The following PI4K2B variants were observed in gnomAD, a reference collection of about 807,000 sequenced individuals.
PI4K2B encodes the protein phosphatidylinositol 4-kinase type 2 beta, also known as phosphatidylinositol 4-kinase type 2-beta.
Under a neutral mutation model 56.6 loss-of-function variants are expected in PI4K2B, and 46 were observed. That is an observed-to-expected ratio of 0.81 (90% confidence interval 0.64 to 1.04). The LOEUF is 1.04. Among genes scored for constraint, PI4K2B ranks in the 50% least tolerant of loss-of-function variants. The pLI, the probability that PI4K2B is intolerant of heterozygous loss-of-function variation, is 0.00. For missense variants in PI4K2B, 556 were observed against 607.7 expected (o/e 0.91, Z 0.89); for synonymous variants, 211 against 223.8 (o/e 0.94, Z 0.51).
intron 5 of PI4K2B, 48 bp from the exon 6 acceptor site, chr4:25,260,476 T>G (rs1716417388): frequency 2.6e-6 from 2 of 760,616 alleles, no homozygotes; most frequent in Non-Finnish European, 4.2e-6. Context: ...TATTAAGCCA[T>G]GATGTCCATA....
In PI4K2B at chr4:25,278,369, T is replaced by C. The variant is rs1284552281; in HGVS notation, c.*1182T>C. The C allele has an allele frequency of 6.6e-6, 1 of 152,246 alleles. No individual in the cohort carries two copies. 9.4% of individuals were successfully genotyped at this position (152,246 alleles called of 1,614,324 possible). On this transcript the variant is annotated 3_prime_UTR_variant, in exon 10 of 10. Coordinates refer to ENST00000264864, the MANE Select transcript of PI4K2B (RefSeq NM_018323.4). ...AGCAGAAGTTTCATTTTCTTGAGGC[T>C]TAAAACCAATGTCACCACTTGGGCT...
At chr4:25,270,347 T>C (rs1207790938) in intron 9 of PI4K2B, among the ~76,000 whole-genome samples, 1 of 152,112 alleles carries the variant, frequency 6.6e-6, no homozygotes, top group East Asian at 1.9e-4. Context: ...TTTTTTCTTT[T>C]TTTCTTTTCT....
At chr4:25,249,467 C>T (rs1715947279) in intron 1 of PI4K2B, among the ~76,000 whole-genome samples, 1 of 146,916 alleles carries the variant, frequency 6.8e-6, no homozygotes, top group African/African-American at 2.4e-5. Flanking sequence ...GATGGGGCGG[C>T]TGGCCGGGCG....
chr4:25,258,385 T>C (rs1241037116), intron 4 of PI4K2B: 1 of 151,990 alleles, frequency 6.6e-6, no homozygotes, highest in Non-Finnish European at 1.5e-5. Flanking sequence ...TTTTTTGTAT[T>C]TTAAATAGAG....
At chr4:25,274,902 C>T (rs1184265702) in intron 9 of PI4K2B, among the ~76,000 whole-genome samples, 2 of 152,134 alleles carry the variant, frequency 1.3e-5, no homozygotes, top group African/African-American at 4.8e-5. Flanking sequence ...TTCAAGCGAT[C>T]CTTGTGCCCC....
intron 9 of PI4K2B, among the ~76,000 whole-genome samples, chr4:25,271,306 G>GA (rs1716880215): frequency 6.6e-6 from 1 of 152,198 alleles, no homozygotes. Context: ...AGAAGTTTTC[G>GA]AAAAGGAGAT....
At chr4:25,270,309 A>G (rs761212859) in intron 9 of PI4K2B, among the ~76,000 whole-genome samples, 45 of 149,768 alleles carry the variant, frequency 3.0e-4, no homozygotes, top group Middle Eastern at 6.4e-3. Flanking sequence ...CCTCTCCCTG[A>G]CCCCCCTTTC....
chr4:25,263,651 G>T (rs1372738178), intron 6 of PI4K2B, 99 bp from the exon 7 acceptor site: 2 of 500,162 alleles, frequency 4.0e-6, no homozygotes, highest in Non-Finnish European at 7.2e-6. Context: ...TCATCCGAGA[G>T]AATATGTTCT....
At chr4:25,242,069 G>T (rs988644744) in intron 1 of PI4K2B, among the ~76,000 whole-genome samples, 6 of 152,250 alleles carry the variant, frequency 3.9e-5, no homozygotes, top group Non-Finnish European at 5.9e-5. Context: ...GTCTTAGGGT[G>T]AGGATAAGCC....
At chr4:25,242,652 A>T (rs1715577324) in intron 1 of PI4K2B, among the ~76,000 whole-genome samples, 1 of 152,234 alleles carries the variant, frequency 6.6e-6, no homozygotes, top group South Asian at 2.1e-4. Context: ...TGTTGCAGGG[A>T]CTGCTGCATT....
intron 1 of PI4K2B, among the ~76,000 whole-genome samples, chr4:25,242,932 C>T (rs1315101341): frequency 1.3e-5 from 2 of 152,188 alleles, no homozygotes; most frequent in South Asian, 2.1e-4. Context: ...TAATATATCC[C>T]TCCCTAATAA....
intron 1 of PI4K2B, among the ~76,000 whole-genome samples, chr4:25,246,048 G>T (rs1057296056): frequency 7.9e-5 from 12 of 152,142 alleles, no homozygotes; most frequent in Admixed American, 2.6e-4. Flanking sequence ...TGTGTTCGGA[G>T]TTTCTTTCTT....
chr4:25,238,165 A>G (rs13149975), intron 1 of PI4K2B, among the ~76,000 whole-genome samples: 6,435 of 152,326 alleles, frequency 0.042, 189 homozygotes, highest in East Asian at 0.15. Context: ...TGTACCTCAG[A>G]TGCTTGATGC....
intron 5 of PI4K2B, 43 bp from the exon 6 acceptor site, chr4:25,260,481 T>A: frequency 1.2e-6 from 1 of 814,954 alleles, no homozygotes. Context: ...AGCCATGATG[T>A]CCATAGAAAT....
intron 8 of PI4K2B, 66 bp from the exon 9 acceptor site, chr4:25,269,078 A>G (rs1219380356): frequency 5.8e-6 from 5 of 859,746 alleles, no homozygotes; most frequent in Non-Finnish European, 7.7e-6. Flanking sequence ...TGAAGAGTTC[A>G]TCTGTTTTCA....
chr4:25,241,150 G>A (rs1362115050), intron 1 of PI4K2B, among the ~76,000 whole-genome samples: 1 of 152,236 alleles, frequency 6.6e-6, no homozygotes, highest in Non-Finnish European at 1.5e-5. Flanking sequence ...CCACATTGCA[G>A]CATGGGCATG....
At chr4:25,235,991 T>A (rs1250297736) in intron 1 of PI4K2B, among the ~76,000 whole-genome samples, 3 of 125,236 alleles carry the variant, frequency 2.4e-5, no homozygotes, top group African/African-American at 7.5e-5. Context: ...CCCATCTCTA[T>A]AAAAAATAAA....
At chr4:25,242,314 T>C (rs1715558222) in intron 1 of PI4K2B, among the ~76,000 whole-genome samples, 2 of 152,220 alleles carry the variant, frequency 1.3e-5, no homozygotes, top group South Asian at 4.1e-4. Context: ...ACTTGAGAAG[T>C]GGCCTAGACC....
At position 25,261,111 on chromosome 4, in the gene PI4K2B, T is replaced by A. The variant is rs537916772; in HGVS notation, c.978+520T>A. ...TAGTACTTTTTTAGAGTTTGAGAAATATATGGAATCCCCATATTTTGCTTT... is the reference window on the plus strand; with the variant it reads ...TAGTACTTTTTTAGAGTTTGAGAAAAATATGGAATCCCCATATTTTGCTTT... On this transcript the variant is annotated intron_variant, in intron 6 of 9. Transcript: ENST00000264864. Among the ~76,000 whole-genome samples the A allele has an allele frequency of 9.2e-5, 14 of 152,232 alleles. No individual in the cohort carries two copies. The South Asian group carries it at 2.7e-3, about 29-fold the overall frequency.
Sources: gnomAD v4.1 joint callset for allele counts (sites outside exome capture counted in the v4.1 genomes callset) on GRCh38, gnomAD v4.1.1 for gene constraint, MANE v1.5 for transcripts, NCBI Gene and HGNC (gene_info 2026-07-23, HGNC 2026-07-21) for gene names.